The following ANKRD11 variants were observed in gnomAD, a reference collection of about 807,000 sequenced individuals.
ANKRD11 encodes the protein ankyrin repeat domain-containing protein 11.
ANKRD11 carries 17 observed loss-of-function variants against 195.7 expected under a neutral mutation model. The observed-to-expected ratio is 0.09, with a 90% CI of 0.06 to 0.13. The LOEUF is 0.13. ANKRD11 is among the 10% of genes least tolerant of loss of function. The probability of loss-of-function intolerance (pLI) is 1.00; values close to 1 mark genes in which losing one functional copy is unlikely to be tolerated. For missense variants in ANKRD11, 3,735 were observed against 3,566.1 expected, an observed-to-expected ratio of 1.05 and a Z score of -1.21; for synonymous variants, 1,953 against 1,528.1, an observed-to-expected ratio of 1.28 and a Z score of -6.49.
At chr16:89,270,606 A>G (rs1597395300) in intron 12 of ANKRD11, 2 of 611,990 alleles carry the variant, frequency 3.3e-6, no homozygotes, top group East Asian at 5.8e-5. Flanking sequence ...ACACCGGGAC[A>G]GAAGGGAAGA....
intron 2 of ANKRD11, among the ~76,000 whole-genome samples, chr16:89,405,155 T>C (rs930880010): frequency 3.3e-5 from 5 of 151,602 alleles, no homozygotes; most frequent in South Asian, 2.1e-4. Flanking sequence ...GATCACGCCA[T>C]TGCACTCCAG....
At chr16:89,350,345 G>A (rs1374536194) in intron 2 of ANKRD11, among the ~76,000 whole-genome samples, 4 of 152,108 alleles carry the variant, frequency 2.6e-5, no homozygotes, top group African/African-American at 9.7e-5. Context: ...ACCACATCCA[G>A]CCATCTGATG....
chr16:89,381,873 A>G (rs1305460772), intron 2 of ANKRD11, among the ~76,000 whole-genome samples: 2 of 152,246 alleles, frequency 1.3e-5, no homozygotes, highest in Non-Finnish European at 2.9e-5. Flanking sequence ...AGCCTCTGCC[A>G]CAGGCCACTC....
chr16:89,342,197 A>C (rs777991881), intron 2 of ANKRD11, among the ~76,000 whole-genome samples: 3 of 152,256 alleles, frequency 2.0e-5, no homozygotes, highest in African/African-American at 4.8e-5. Flanking sequence ...ACTGACAGGT[A>C]GGTCTCCACC....
chr16:89,471,310 T>C (rs2057076237), intron 1 of ANKRD11, among the ~76,000 whole-genome samples: 1 of 152,146 alleles, frequency 6.6e-6, no homozygotes, highest in Non-Finnish European at 1.5e-5. Flanking sequence ...GTGCAAAACC[T>C]AAAAGCCTGC....
At chr16:89,435,796 T>TCACACA (rs58503159) in intron 1 of ANKRD11, among the ~76,000 whole-genome samples, 22,323 of 142,938 alleles carry the variant, frequency 0.16, 1,762 homozygotes, top group Non-Finnish European at 0.19. Context: ...CACCAGCTCT[T>TCACACA]CACACACACA....
intron 2 of ANKRD11, among the ~76,000 whole-genome samples, chr16:89,414,991 C>T (rs2042236901): frequency 6.6e-6 from 1 of 152,198 alleles, no homozygotes; most frequent in Admixed American, 6.5e-5. Flanking sequence ...GCGGCCCAGG[C>T]TGGAGTGCAG....
At chr16:89,278,492 C>A (rs1376609264) in intron 9 of ANKRD11, 1 of 455,456 alleles carries the variant, frequency 2.2e-6, no homozygotes, top group Admixed American at 2.4e-5. Flanking sequence ...CCTGAGCCTG[C>A]AGAGGTAGGG....
chr16:89,451,544 G>A (rs1348801161), intron 1 of ANKRD11, among the ~76,000 whole-genome samples: 1 of 151,280 alleles, frequency 6.6e-6, no homozygotes, highest in African/African-American at 2.4e-5. Flanking sequence ...CTCCCAAGTA[G>A]CTAAGATTAC....
At chr16:89,390,610 A>G (rs1387142221) in intron 2 of ANKRD11, among the ~76,000 whole-genome samples, 1 of 152,200 alleles carries the variant, frequency 6.6e-6, no homozygotes, top group East Asian at 1.9e-4. Flanking sequence ...CAGAGGTGAA[A>G]AGAAAATCTT....
intron 2 of ANKRD11, among the ~76,000 whole-genome samples, chr16:89,415,901 T>A (rs935189223): frequency 1.4e-5 from 2 of 143,704 alleles, no homozygotes; most frequent in Non-Finnish European, 3.0e-5. Flanking sequence ...CACATGCCCA[T>A]GTGGGTCACG....
rs188853460 is a variant in ANKRD11 at position 89,314,456 on chromosome 16, G to A, written c.87+2477C>T. ...AGAGAACAACTCAAAGCAGCTGAGC[G>A]CACACATCAGCGCTGGGGCTGCCGG... On this transcript the variant is annotated intron_variant, in intron 3 of 12. Coordinates refer to ENST00000301030, the MANE Select transcript of ANKRD11 (RefSeq NM_013275.6). Among the ~76,000 whole-genome samples, 13 of 152,224 alleles carry A rather than the reference G, an allele frequency of 8.5e-5. No homozygotes were observed. The East Asian group carries it at 9.7e-4, about 11-fold the overall frequency.
intron 2 of ANKRD11, among the ~76,000 whole-genome samples, chr16:89,374,219 C>T (rs543074322): frequency 6.6e-6 from 1 of 152,212 alleles, no homozygotes; most frequent in South Asian, 2.1e-4. Flanking sequence ...CAAAGATTTA[C>T]AGTATTTTCA....
chr16:89,481,799 G>A (rs569071976), intron 1 of ANKRD11, among the ~76,000 whole-genome samples: 2 of 151,908 alleles, frequency 1.3e-5, no homozygotes, highest in Non-Finnish European at 1.5e-5. Context: ...ACATTCTCAC[G>A]TTACATGCGG....
intron 1 of ANKRD11, among the ~76,000 whole-genome samples, chr16:89,460,368 G>A (rs1176677493): frequency 6.6e-6 from 1 of 151,394 alleles, no homozygotes; most frequent in Non-Finnish European, 1.5e-5. Context: ...GACCAGCCTG[G>A]CCAATATGGC....
At chr16:89,305,068 C>G (rs1241508878) in intron 4 of ANKRD11, 138 bp downstream of exon 4, 3 of 1,363,936 alleles carry the variant, frequency 2.2e-6, no homozygotes, top group Non-Finnish European at 3.0e-6. Context: ...CCCCTGCTGC[C>G]TCTTGCCTGG....
intron 7 of ANKRD11, chr16:89,287,066 G>A (rs1368383584): frequency 1.2e-5 from 15 of 1,289,830 alleles, no homozygotes; most frequent in Non-Finnish European, 1.5e-5. Flanking sequence ...GAGGTCAGAG[G>A]TCAAGGTGCT....
intron 2 of ANKRD11, among the ~76,000 whole-genome samples, chr16:89,362,800 G>C (rs1477436902): frequency 1.3e-5 from 2 of 152,016 alleles, no homozygotes; most frequent in African/African-American, 4.8e-5. Flanking sequence ...AGTTGAAGGT[G>C]TTTTTACCTT....
rs184160500 is a variant in ANKRD11, at chr16:89,330,711, G to T, written c.-59-13633C>A. ...GGAAGCTGCAGCATCTCTTGTATCGGAAGTCCCACGGCTTCACTTCCACCT... is the reference window on the plus strand; with the variant it reads ...GGAAGCTGCAGCATCTCTTGTATCGTAAGTCCCACGGCTTCACTTCCACCT... On this transcript the variant is annotated intron_variant, in intron 2 of 12. Coordinates refer to ENST00000301030, the MANE Select transcript of ANKRD11 (RefSeq NM_013275.6). Among the ~76,000 whole-genome samples, 487 of 136,394 alleles carry T rather than the reference G, an allele frequency of 3.6e-3. 2 individuals carry two copies. Among genetic ancestry groups the T allele is most frequent in the African/African-American group, 0.013 (469 of 36,028 alleles). The allele number at this position is 136,394 out of a possible 152,430, so 89.5% of individuals were successfully genotyped here.
Sources: allele counts gnomAD v4.1 joint callset (sites outside exome capture counted in the v4.1 genomes callset), GRCh38; gene constraint gnomAD v4.1.1; transcripts MANE v1.5; gene names NCBI Gene and HGNC (gene_info 2026-07-23, HGNC 2026-07-21).